The following MAGI3 variants were observed in gnomAD, a reference collection of about 807,000 sequenced individuals.
MAGI3 encodes membrane-associated guanylate kinase, WW and PDZ domain-containing protein 3.
Under a neutral mutation model 121.8 loss-of-function variants are expected in MAGI3, and 43 were observed. That is an observed-to-expected ratio of 0.35 (90% CI 0.28 to 0.46). MAGI3 has a LOEUF of 0.46. MAGI3 is among the 20% of genes least tolerant of loss of function. MAGI3 has a pLI of 1.00. For missense variants in MAGI3, 1,547 were observed against 1,797.3 expected, an observed-to-expected ratio of 0.86 and a Z score of 2.52; for synonymous variants, 553 against 639.3, an observed-to-expected ratio of 0.86 and a Z score of 2.04.
intron 3 of MAGI3, among the ~76,000 whole-genome samples, chr1:113,584,967 C>T (rs1778842): frequency 0.74 from 100,583 of 135,746 alleles, 37,954 homozygotes; most frequent in African/African-American, 0.77. Context: ...TAGATATTTC[C>T]TTTTTTTTTT....
At chr1:113,488,567 C>CT (rs1656513491) in intron 1 of MAGI3, among the ~76,000 whole-genome samples, 1 of 152,182 alleles carries the variant, frequency 6.6e-6, no homozygotes, top group African/African-American at 2.4e-5. Flanking sequence ...ATGAACCAGC[C>CT]TGCATACTCC....
At chr1:113,610,304 T>G (rs1481822998) in intron 6 of MAGI3, among the ~76,000 whole-genome samples, 2 of 152,098 alleles carry the variant, frequency 1.3e-5, no homozygotes, top group East Asian at 1.9e-4. Flanking sequence ...CTCTTCTGTC[T>G]TCTTTTACAC....
At chr1:113,647,573 C>A (rs1652920123) in intron 12 of MAGI3, among the ~76,000 whole-genome samples, 1 of 152,032 alleles carries the variant, frequency 6.6e-6, no homozygotes, top group Non-Finnish European at 1.5e-5. Context: ...AAATCTTTTC[C>A]AAAGTAAAAT....
chr1:113,660,581 A>C (rs1192150222), intron 16 of MAGI3, among the ~76,000 whole-genome samples: 1 of 150,478 alleles, frequency 6.6e-6, no homozygotes, highest in Non-Finnish European at 1.5e-5. Flanking sequence ...GTAAACAAAA[A>C]ACATATTGGT....
chr1:113,555,470 A>G (rs1179703108), intron 2 of MAGI3, among the ~76,000 whole-genome samples: 2 of 152,196 alleles, frequency 1.3e-5, no homozygotes, highest in Non-Finnish European at 2.9e-5. Flanking sequence ...AGCTTGGCCG[A>G]GTTACTATTT....
At chr1:113,394,897 G>A (rs1651010378) in intron 1 of MAGI3, among the ~76,000 whole-genome samples, 1 of 152,032 alleles carries the variant, frequency 6.6e-6, no homozygotes, top group African/African-American at 2.4e-5. Flanking sequence ...TTAAAGGTAG[G>A]TAAAAGTCTT....
At chr1:113,494,001 C>G (rs894384353) in intron 1 of MAGI3, among the ~76,000 whole-genome samples, 15 of 152,292 alleles carry the variant, frequency 9.8e-5, no homozygotes, top group African/African-American at 3.6e-4. Flanking sequence ...TGCCATTTGA[C>G]TCATCAATTT....
At chr1:113,647,650 T>G (rs889279968) in intron 12 of MAGI3, among the ~76,000 whole-genome samples, 1 of 152,210 alleles carries the variant, frequency 6.6e-6, no homozygotes, top group Non-Finnish European at 1.5e-5. Flanking sequence ...AAATCTACCT[T>G]GGAAAAGATA....
chr1:113,425,045 GCTA>G (rs1284799842), intron 1 of MAGI3, among the ~76,000 whole-genome samples: 5 of 151,874 alleles, frequency 3.3e-5, no homozygotes, highest in Admixed American at 6.6e-5. Context: ...TGTAATCCCA[GCTA>G]CTTAGGAGGC....
chr1:113,421,510 C>T (rs1490355720), intron 1 of MAGI3, among the ~76,000 whole-genome samples: 1 of 152,220 alleles, frequency 6.6e-6, no homozygotes, highest in African/African-American at 2.4e-5. Flanking sequence ...TTAGAGCCTT[C>T]AAGAACCCTC....
At chr1:113,611,672 A>G (rs1650145001) in intron 6 of MAGI3, among the ~76,000 whole-genome samples, 1 of 152,054 alleles carries the variant, frequency 6.6e-6, no homozygotes, top group Non-Finnish European at 1.5e-5. Context: ...ACTGCTTCCC[A>G]TAATCTTTTT....
At chr1:113,584,855 AT>A (rs1474306390) in intron 3 of MAGI3, among the ~76,000 whole-genome samples, 21 of 152,008 alleles carry the variant, frequency 1.4e-4, no homozygotes, top group African/African-American at 4.8e-4. Context: ...ATTAGATAAT[AT>A]ATGTGAAGAG....
At chr1:113,672,277 G>T (rs1038289963) in intron 17 of MAGI3, among the ~76,000 whole-genome samples, 1 of 152,080 alleles carries the variant, frequency 6.6e-6, no homozygotes, top group African/African-American at 2.4e-5. Flanking sequence ...CATCTTCACG[G>T]GCATTGGTGC....
At chr1:113,502,687 A>G (rs1657074781) in intron 1 of MAGI3, among the ~76,000 whole-genome samples, 1 of 19,750 alleles carries the variant, frequency 5.1e-5, no homozygotes, top group Non-Finnish European at 7.5e-5. Context: ...AGAACTAGAA[A>G]TACCATTTGA....
chr1:113,632,061 A>T (rs1365807283), intron 9 of MAGI3, among the ~76,000 whole-genome samples: 1 of 152,238 alleles, frequency 6.6e-6, no homozygotes, highest in Non-Finnish European at 1.5e-5. Flanking sequence ...ATGGACCAAC[A>T]TTCAGATGGT....
chr1:113,654,188 C>G (rs1653345440), intron 15 of MAGI3, among the ~76,000 whole-genome samples, 170 bp downstream of exon 15: 2 of 152,160 alleles, frequency 1.3e-5, no homozygotes, highest in Non-Finnish European at 1.5e-5. Flanking sequence ...TGAACCGAAC[C>G]TTCCAGGCTT....
At chr1:113,530,648 A>G (rs1658667985) in intron 1 of MAGI3, among the ~76,000 whole-genome samples, 1 of 152,106 alleles carries the variant, frequency 6.6e-6, no homozygotes, top group Non-Finnish European at 1.5e-5. Context: ...GGCCAGGTGC[A>G]GCGGCCTTAT....
chr1:113,676,273 A>G (rs560929389), intron 19 of MAGI3, among the ~76,000 whole-genome samples: 1 of 152,308 alleles, frequency 6.6e-6, no homozygotes, highest in African/African-American at 2.4e-5. Flanking sequence ...AGTTCTAAAC[A>G]TGTCATTCTC....
intron 1 of MAGI3, among the ~76,000 whole-genome samples, chr1:113,482,645 C>CTT (rs59465922): frequency 1.6e-5 from 2 of 122,178 alleles, no homozygotes; most frequent in South Asian, 2.9e-4. Flanking sequence ...CCTCAACCTA[C>CTT]TTTTTTTTTT....
Sources: allele counts gnomAD v4.1 joint callset (sites outside exome capture counted in the v4.1 genomes callset), GRCh38; gene constraint gnomAD v4.1.1; transcripts MANE v1.5; gene names NCBI Gene and HGNC (gene_info 2026-07-23, HGNC 2026-07-21).